Variants in SH3D19 observed in about 807,000 individuals in gnomAD.
SH3D19 encodes the protein SH3 domain containing 19.
SH3D19 carries 58 observed loss-of-function variants against 112.1 expected under a neutral mutation model. That is an observed-to-expected ratio of 0.52 (90% CI 0.42 to 0.64). The LOEUF (loss-of-function observed/expected upper bound fraction) is 0.64, where lower values mean the gene tolerates loss of function less well. SH3D19 is among the 30% of genes least tolerant of loss of function. The pLI is 0.00. For synonymous variants in SH3D19, 391 were observed against 448.5 expected, an observed-to-expected ratio of 0.87 and a Z score of 1.62; for missense variants, 1,090 against 1,263.4, an observed-to-expected ratio of 0.86 and a Z score of 2.08.
At chr4:151,286,343 A>T (rs1279389327) in intron 1 of SH3D19, among the ~76,000 whole-genome samples, 1 of 151,396 alleles carries the variant, frequency 6.6e-6, no homozygotes, top group Non-Finnish European at 1.5e-5. Context: ...TTGAAAAAAA[A>T]CTTTAGCTAA....
chr4:151,307,017 CTTTTTT>C (rs750863632), intron 1 of SH3D19, among the ~76,000 whole-genome samples: 1 of 122,918 alleles, frequency 8.1e-6, no homozygotes, highest in Non-Finnish European at 1.7e-5. Context: ...ATGATGACTT[CTTTTTT>C]TTTTTTTTTT....
chr4:151,266,435 T>TAAAG (rs1772798237), intron 1 of SH3D19, among the ~76,000 whole-genome samples: 1 of 152,226 alleles, frequency 6.6e-6, no homozygotes, highest in Admixed American at 6.5e-5. Context: ...TCATGGAGAT[T>TAAAG]AGCTACCTCC....
At chr4:151,249,511 T>A (rs1771195527) in intron 1 of SH3D19, among the ~76,000 whole-genome samples, 1 of 152,114 alleles carries the variant, frequency 6.6e-6, no homozygotes, top group Admixed American at 6.6e-5. Context: ...CCAAAATAGG[T>A]CAAAGTTTAA....
At chr4:151,178,576 T>C (rs1244823525) in intron 4 of SH3D19, among the ~76,000 whole-genome samples, 1 of 152,170 alleles carries the variant, frequency 6.6e-6, no homozygotes, top group Non-Finnish European at 1.5e-5. Flanking sequence ...GTGATGTAGG[T>C]ATGATTAGCA....
chr4:151,310,194 C>A (rs1462440419), intron 1 of SH3D19, among the ~76,000 whole-genome samples: 1 of 132,788 alleles, frequency 7.5e-6, no homozygotes, highest in African/African-American at 2.9e-5. Context: ...GTTAACACAG[C>A]GAAACTCTGT....
rs190949329 is a variant in SH3D19 at position 151,194,174 on chromosome 4, C to T, written c.153-6711G>A. On this transcript the variant is annotated intron_variant, in intron 2 of 19. Transcript: ENST00000604030. ...CCAAGTAGCTTGGATTACAGGTGCCCGCCACCACGCCCAGCTAGTTTTTTT... is the reference window on the plus strand; with the variant it reads ...CCAAGTAGCTTGGATTACAGGTGCCTGCCACCACGCCCAGCTAGTTTTTTT... Among the ~76,000 whole-genome samples the T allele has an allele frequency of 3.4e-3, 522 of 151,540 alleles. 5 individuals are homozygous for T. The highest frequency in any genetic ancestry group is 0.012 in the African/African-American group (482 of 41,230).
intron 2 of SH3D19, among the ~76,000 whole-genome samples, chr4:151,188,340 T>C (rs1762106150): frequency 6.6e-6 from 1 of 152,186 alleles, no homozygotes; most frequent in Non-Finnish European, 1.5e-5. Context: ...CTTAAAGGCT[T>C]TCTGTAAAAC....
Position 151,174,986 on chromosome 4 carries a change from A to T in SH3D19, c.1218T>A (p.Ala406=), listed in dbSNP as rs1319161051. ...NPEIPGRGPL[A]ESSDSGKKVP... ...CTTTCTTCCCACTATCAGAGCTCTC[A>T]GCCAGGGGCCCTCTTCCCGGAATCT... Residue 406 remains alanine (A), a synonymous_variant, in exon 7 of 20, where the codon GCT becomes GCA. Transcript: ENST00000604030. The T allele has an allele frequency of 1.2e-6, 2 of 1,614,232 alleles. No homozygotes were observed. The highest frequency in any genetic ancestry group is 3.3e-5 in the Admixed American group (2 of 60,020).
intron 1 of SH3D19, chr4:151,282,128 C>G: frequency 1.9e-6 from 3 of 1,611,712 alleles, no homozygotes; most frequent in Non-Finnish European, 2.5e-6. Flanking sequence ...ATAAGCAGGC[C>G]TCCTTTCTTT....
At chr4:151,315,649 T>C (rs889072370) in intron 1 of SH3D19, among the ~76,000 whole-genome samples, 5 of 151,998 alleles carry the variant, frequency 3.3e-5, no homozygotes, top group Non-Finnish European at 7.4e-5. Flanking sequence ...CCAAACAAAC[T>C]AAGGGAGTAT....
At chr4:151,217,928 T>C (rs181910022) in intron 2 of SH3D19, among the ~76,000 whole-genome samples, 1 of 152,252 alleles carries the variant, frequency 6.6e-6, no homozygotes, top group African/African-American at 2.4e-5. Context: ...TATACAGATA[T>C]ACAAACATAC....
chr4:151,204,669 C>A (rs1313296541), intron 2 of SH3D19, among the ~76,000 whole-genome samples: 3 of 152,162 alleles, frequency 2.0e-5, no homozygotes, highest in African/African-American at 7.2e-5. Context: ...AAATCATGAT[C>A]TTTCCAACAT....
chr4:151,314,302 C>T (rs1476269499), intron 1 of SH3D19, among the ~76,000 whole-genome samples: 1 of 152,170 alleles, frequency 6.6e-6, no homozygotes, highest in East Asian at 1.9e-4. Flanking sequence ...AAACTATATT[C>T]AGATTCTAAA....
rs1245316774 is a variant in SH3D19 at position 151,291,955 on chromosome 4, G to A, written c.112+33286C>T. 2.0e-5 allele frequency among the ~76,000 whole-genome samples: 3 copies of A among 151,984 alleles called. No homozygotes were observed. The East Asian group carries it at 5.8e-4, about 29-fold the overall frequency. On this transcript the variant is annotated intron_variant, in intron 1 of 19. Transcript: ENST00000604030. ...ATATAAAGCCAATTCCAAGCACACT[G>A]CCTACAGATTAGCTAGCCCTGTTCC...
intron 1 of SH3D19, among the ~76,000 whole-genome samples, chr4:151,264,262 C>G (rs1235212652): frequency 6.6e-6 from 1 of 151,858 alleles, no homozygotes; most frequent in Non-Finnish European, 1.5e-5. Context: ...GAAACGTTGT[C>G]TCTATTAAAA....
Position 151,187,422 on chromosome 4 carries a change from C to G in SH3D19, c.193+1G>C. On this transcript the variant is annotated splice_donor_variant, in intron 3 of 19. Coordinates refer to ENST00000604030, the MANE Select transcript of SH3D19 (RefSeq NM_001378122.1). LOFTEE classifies it high-confidence loss of function. ...TACAGAGAAGGAAAAAACAAACTTA[C>G]ATCTCTTGATTACCGCTCTAATGGA... is the stretch of plus-strand genomic sequence containing the variant. The G allele has an allele frequency of 1.6e-6, 2 of 1,227,120 alleles. No individual in the cohort carries two copies. The highest frequency in any genetic ancestry group is 2.0e-6 in the Non-Finnish European group (2 of 983,442). The allele number at this position is 1,227,120 out of a possible 1,614,324, so 76.0% of individuals were successfully genotyped here.
chr4:151,177,760 T>C (rs1760180845), intron 4 of SH3D19, among the ~76,000 whole-genome samples: 1 of 152,218 alleles, frequency 6.6e-6, no homozygotes, highest in Admixed American at 6.5e-5. Flanking sequence ...TATGTTTAAG[T>C]GTTTTGGGTT....
chr4:151,140,265 A>C (rs956743140), intron 12 of SH3D19: 2 of 154,458 alleles, frequency 1.3e-5, no homozygotes, highest in Non-Finnish European at 2.9e-5. Context: ...AGGATGGGAA[A>C]AGAAGAAAGT....
At chr4:151,226,316 A>G (rs989466253) in intron 1 of SH3D19, 1 of 1,187,808 alleles carries the variant, frequency 8.4e-7, no homozygotes, top group African/African-American at 1.6e-5. Flanking sequence ...TACTTGGAAA[A>G]TGCATCATTA....
Sources: allele counts gnomAD v4.1 joint callset (sites outside exome capture counted in the v4.1 genomes callset), GRCh38; gene constraint gnomAD v4.1.1; transcripts MANE v1.5; gene names NCBI Gene and HGNC (gene_info 2026-07-23, HGNC 2026-07-21).